The following MPDZ variants were observed in gnomAD, a reference collection of about 807,000 sequenced individuals.
MPDZ encodes multiple PDZ domain protein.
In MPDZ, 234 loss-of-function variants were observed where a neutral mutation model predicts 239.1. The ratio of observed to expected loss-of-function variants is 0.98; its 90% CI spans 0.88 to 1.09. The LOEUF (loss-of-function observed/expected upper bound fraction) is 1.09. Ranked by LOEUF, MPDZ falls within the 50% of genes least tolerant of loss-of-function variation. The pLI is 0.00. For synonymous variants in MPDZ, 1,048 were observed against 881.3 expected (o/e 1.19, Z -3.35); for missense variants, 3,175 against 2,510.0 (o/e 1.26, Z -5.66).
At chr9:13,127,479 A>G (rs1945289801) in intron 32 of MPDZ, among the ~76,000 whole-genome samples, 1 of 152,254 alleles carries the variant, frequency 6.6e-6, no homozygotes, top group Non-Finnish European at 1.5e-5. Context: ...TAAAATTAAA[A>G]CAGAGTTTTT....
chr9:13,247,520 T>C lies in MPDZ; in HGVS notation c.183+115A>G, dbSNP rs116903872. 9.0e-3 allele frequency: 10,212 copies of C among 1,131,170 alleles called. 75 individuals carry two copies. The highest frequency in any genetic ancestry group is 0.01 in the Non-Finnish European group (8,473 of 822,808). The allele number at this position is 1,131,170 out of a possible 1,614,324, so 70.1% of individuals were successfully genotyped here. On this transcript the variant is annotated intron_variant, in intron 3 of 46. Coordinates refer to ENST00000319217, the MANE Select transcript of MPDZ (RefSeq NM_001378778.1). The stretch of plus-strand genomic sequence containing the variant: ...TGAATGTCTCATTTGGAGGTTTAAA[T>C]GACTTCATTAACTATTCATTAACAC...
chr9:13,179,768 A>G (rs1953029036), intron 19 of MPDZ, among the ~76,000 whole-genome samples: 1 of 152,196 alleles, frequency 6.6e-6, no homozygotes, highest in Non-Finnish European at 1.5e-5. Flanking sequence ...TATACTTTTT[A>G]AAAGTTCTAT....
intron 1 of MPDZ, among the ~76,000 whole-genome samples, chr9:13,267,943 G>A (rs1379023407): frequency 1.3e-5 from 2 of 151,988 alleles, no homozygotes; most frequent in Non-Finnish European, 2.9e-5. Context: ...TTTCCTTCAC[G>A]CACAAAGTAG....
At chr9:13,227,573 G>A (rs933915151) in intron 3 of MPDZ, among the ~76,000 whole-genome samples, 3 of 152,144 alleles carry the variant, frequency 2.0e-5, no homozygotes, top group South Asian at 2.1e-4. Context: ...TGAACAAATC[G>A]CATCCCGAGA....
chr9:13,120,403 G>C (rs549267842), intron 38 of MPDZ: 8 of 152,272 alleles, frequency 5.3e-5, no homozygotes, highest in Admixed American at 5.2e-4. Flanking sequence ...TAGAAACAGG[G>C]TATTGGATTA....
intron 24 of MPDZ, among the ~76,000 whole-genome samples, chr9:13,152,509 G>A (rs1270586485): frequency 6.6e-6 from 1 of 152,072 alleles, no homozygotes; most frequent in East Asian, 1.9e-4. Flanking sequence ...CTGCCACCAT[G>A]TGAGATGTGT....
chr9:13,122,608 C>A (rs936797104), intron 36 of MPDZ, among the ~76,000 whole-genome samples: 18 of 151,630 alleles, frequency 1.2e-4, no homozygotes, highest in Middle Eastern at 6.8e-3. Flanking sequence ...GCAACCTCTG[C>A]CTCCCACGTT....
intron 1 of MPDZ, among the ~76,000 whole-genome samples, chr9:13,254,057 T>C (rs1403722989): frequency 1.3e-5 from 2 of 152,192 alleles, no homozygotes; most frequent in Non-Finnish European, 2.9e-5. Context: ...ATATGCTGCC[T>C]CTAGAAAGCA....
intron 22 of MPDZ, chr9:13,165,378 G>A (rs1950948490): frequency 6.5e-7 from 1 of 1,549,352 alleles, no homozygotes. Flanking sequence ...CATAAAAGGG[G>A]GCTCGATCGT....
chr9:13,112,168 AT>A, intron 42 of MPDZ, 22 bp from the exon 43 acceptor site: 1 of 1,589,904 alleles, frequency 6.3e-7, no homozygotes, highest in Admixed American at 1.7e-5. Context: ...CAGATATAAA[AT>A]TTTGGTCAAA....
intron 39 of MPDZ, among the ~76,000 whole-genome samples, chr9:13,119,056 T>C (rs977671650): frequency 1.1e-4 from 17 of 152,218 alleles, no homozygotes; most frequent in African/African-American, 3.9e-4. Context: ...GATCAAACTT[T>C]CCCTTCTATG....
intron 1 of MPDZ, among the ~76,000 whole-genome samples, chr9:13,270,450 G>C (rs1431472950): frequency 6.6e-6 from 1 of 152,042 alleles, no homozygotes; most frequent in African/African-American, 2.4e-5. Context: ...CAACACAGTA[G>C]CCAGGAGCCA....
chr9:13,277,709 T>C (rs999894222), intron 1 of MPDZ, among the ~76,000 whole-genome samples: 1 of 151,980 alleles, frequency 6.6e-6, no homozygotes, highest in African/African-American at 2.4e-5. Context: ...AGACTACAGG[T>C]GCGAGCCATC....
intron 22 of MPDZ, among the ~76,000 whole-genome samples, chr9:13,163,993 C>G (rs1435995028): frequency 6.6e-6 from 1 of 152,156 alleles, no homozygotes; most frequent in Non-Finnish European, 1.5e-5. Flanking sequence ...TAAATCACCA[C>G]TGCTGAACCT....
chr9:13,155,341 A>G (rs184323501), intron 24 of MPDZ, among the ~76,000 whole-genome samples: 519 of 152,324 alleles, frequency 3.4e-3, no homozygotes, highest in Non-Finnish European at 5.6e-3. Context: ...TTCCCTAGAT[A>G]AATTTTCATG....
rs140482209 is a variant in MPDZ, at chr9:13,242,055, A to G, written c.183+5580T>C. On this transcript the variant is annotated intron_variant, in intron 3 of 46. Transcript: ENST00000319217. The stretch of plus-strand genomic sequence containing the variant: ...TATTACTTGTGTGGCCTTGGGCAGA[A>G]AAACCATTAGTAAATTAGGATGTGA... 1.6e-3 allele frequency among the ~76,000 whole-genome samples: 244 copies of G among 152,268 alleles called. 1 individual carries two copies. Among genetic ancestry groups the G allele is most frequent in the African/African-American group, 5.6e-3 (232 of 41,564 alleles).
chr9:13,223,636 T>A lies in MPDZ; in HGVS notation c.468A>T (p.Arg156Ser). 6.2e-7 allele frequency: 1 copy of A among 1,612,512 alleles called. No homozygotes were observed. Among genetic ancestry groups the A allele is most frequent in the Non-Finnish European group, 8.5e-7 (1 of 1,179,088 alleles). Residue 156 changes from arginine to serine, a missense_variant, in exon 5 of 47, where the codon AGA becomes AGT. Coordinates refer to ENST00000319217, the MANE Select transcript of MPDZ (RefSeq NM_001378778.1). Reference sequence around the variant, plus strand: ...TTCCCAGCTCTCCTCTGTTTTCACTTCTTAGTCCCACAACACTAAACCCAA... The same window carrying A: ...TTCCCAGCTCTCCTCTGTTTTCACTACTTAGTCCCACAACACTAAACCCAA... ...GGLGFSVVGL[R>S]SENRGELGIF...
At chr9:13,267,315 A>G (rs891304058) in intron 1 of MPDZ, among the ~76,000 whole-genome samples, 1 of 152,182 alleles carries the variant, frequency 6.6e-6, no homozygotes, top group African/African-American at 2.4e-5. Flanking sequence ...CTTAAACAAA[A>G]CCTATGTCCT....
intron 1 of MPDZ, among the ~76,000 whole-genome samples, chr9:13,276,201 C>T (rs78163290): frequency 0.017 from 2,538 of 152,266 alleles, 69 homozygotes; most frequent in African/African-American, 0.059. Context: ...CTATTACTAC[C>T]TACTACATGA....
Sources: gnomAD v4.1 joint callset for allele counts (sites outside exome capture counted in the v4.1 genomes callset) on GRCh38, gnomAD v4.1.1 for gene constraint, MANE v1.5 for transcripts, NCBI Gene and HGNC (gene_info 2026-07-23, HGNC 2026-07-21) for gene names.